CDH13: variants seen among roughly 807,000 people sequenced by gnomAD.
The protein encoded by CDH13 is cadherin 13.
Under a neutral mutation model 63.8 loss-of-function variants are expected in CDH13, and 24 were observed. The observed-to-expected ratio is 0.38, with a 90% CI of 0.27 to 0.53. CDH13 has a LOEUF of 0.53. Ranked by LOEUF, CDH13 falls within the 20% of genes least tolerant of loss-of-function variation. The pLI is 0.85. For missense variants in CDH13, 1,049 were observed against 903.1 expected (o/e 1.16, Z -2.07); for synonymous variants, 503 against 355.3 (o/e 1.42, Z -4.67).
At chr16:82,711,442 G>A (rs773173265) in intron 1 of CDH13, among the ~76,000 whole-genome samples, 1 of 152,128 alleles carries the variant, frequency 6.6e-6, no homozygotes, top group African/African-American at 2.4e-5. Flanking sequence ...TAAACAGCTT[G>A]GACTCTGGCC....
At chr16:83,561,365 G>A (rs1016285651) in intron 7 of CDH13, among the ~76,000 whole-genome samples, 13 of 147,202 alleles carry the variant, frequency 8.8e-5, no homozygotes, top group Non-Finnish European at 1.6e-4. Context: ...GGCGGAGGTT[G>A]TGGTGAGCTG....
At chr16:83,269,792 C>A (rs1210856076) in intron 5 of CDH13, among the ~76,000 whole-genome samples, 1 of 152,164 alleles carries the variant, frequency 6.6e-6, no homozygotes, top group Admixed American at 6.5e-5. Context: ...ATGGACAGCT[C>A]ACTATCAAGA....
At chr16:83,212,459 A>C (rs903455922) in intron 4 of CDH13, among the ~76,000 whole-genome samples, 19 of 152,154 alleles carry the variant, frequency 1.2e-4, no homozygotes, top group African/African-American at 4.3e-4. Flanking sequence ...AGCTTCCTCC[A>C]AGCCATGGGG....
At chr16:82,816,012 G>A (rs1263738932) in intron 1 of CDH13, among the ~76,000 whole-genome samples, 1 of 152,156 alleles carries the variant, frequency 6.6e-6, no homozygotes, top group Non-Finnish European at 1.5e-5. Flanking sequence ...ACAGTAGGTA[G>A]ACTGCTGGGA....
intron 1 of CDH13, among the ~76,000 whole-genome samples, chr16:82,715,989 T>C (rs967884957): frequency 1.8e-4 from 27 of 152,196 alleles, no homozygotes; most frequent in African/African-American, 6.5e-4. Flanking sequence ...TGTTGAAAAC[T>C]CAGGAGTCAG....
intron 7 of CDH13, among the ~76,000 whole-genome samples, chr16:83,512,853 G>C (rs1567726626): frequency 6.6e-6 from 1 of 151,918 alleles, no homozygotes; most frequent in South Asian, 2.1e-4. Flanking sequence ...TCTTGATTTG[G>C]AACCCTGGGA....
chr16:83,219,787 G>C (rs561195849), intron 5 of CDH13, among the ~76,000 whole-genome samples: 1 of 152,318 alleles, frequency 6.6e-6, no homozygotes, highest in Admixed American at 6.5e-5. Context: ...TAGGGTAAGG[G>C]ACACGCTTCA....
chr16:83,581,636 G>A (rs994994791), intron 7 of CDH13, among the ~76,000 whole-genome samples: 2 of 152,108 alleles, frequency 1.3e-5, no homozygotes, highest in African/African-American at 4.8e-5. Context: ...TAGTCAACGT[G>A]GTGAAATCCC....
chr16:83,273,285 A>C (rs1046251018), intron 5 of CDH13, among the ~76,000 whole-genome samples: 24 of 152,260 alleles, frequency 1.6e-4, no homozygotes, highest in African/African-American at 5.5e-4. Flanking sequence ...TCATCCACGT[A>C]CTAAGCATAA....
chr16:83,053,071 G>A (rs775290898), intron 3 of CDH13, among the ~76,000 whole-genome samples: 18 of 152,076 alleles, frequency 1.2e-4, no homozygotes, highest in Non-Finnish European at 2.2e-4. Flanking sequence ...AAAATAGTAC[G>A]AATTTCCAGG....
intron 1 of CDH13, among the ~76,000 whole-genome samples, chr16:82,638,051 G>A (rs562892430): frequency 6.6e-6 from 1 of 152,212 alleles, no homozygotes; most frequent in Non-Finnish European, 1.5e-5. Flanking sequence ...ATCCATTGAA[G>A]GGAGAAGAGG....
intron 6 of CDH13, among the ~76,000 whole-genome samples, chr16:83,456,861 C>G (rs1250505724): frequency 6.6e-6 from 1 of 152,180 alleles, no homozygotes; most frequent in African/African-American, 2.4e-5. Flanking sequence ...ACTCAGGAGG[C>G]TGAGGCAGGA....
chr16:83,051,774 A>G (rs997541504), intron 3 of CDH13, among the ~76,000 whole-genome samples: 1 of 152,072 alleles, frequency 6.6e-6, no homozygotes, highest in African/African-American at 2.4e-5. Flanking sequence ...ATTATCCATC[A>G]CATTATTTGT....
At chr16:83,063,635 C>G (rs1027496528) in intron 3 of CDH13, among the ~76,000 whole-genome samples, 4 of 152,180 alleles carry the variant, frequency 2.6e-5, no homozygotes, top group African/African-American at 9.7e-5. Flanking sequence ...TGTTGTTTAT[C>G]TCTACTAGTT....
chr16:83,205,841 G>A (rs2039167314), intron 4 of CDH13, among the ~76,000 whole-genome samples: 1 of 152,058 alleles, frequency 6.6e-6, no homozygotes, highest in South Asian at 2.1e-4. Flanking sequence ...CTGACCTTGT[G>A]ATCCACCCGT....
chr16:83,553,920 A>G (rs2075556405), intron 7 of CDH13, among the ~76,000 whole-genome samples: 1 of 152,212 alleles, frequency 6.6e-6, no homozygotes, highest in Non-Finnish European at 1.5e-5. Context: ...TGTTTACTTA[A>G]CCACCAATTT....
At chr16:82,792,157 T>C (rs1387751163) in intron 1 of CDH13, among the ~76,000 whole-genome samples, 1 of 152,196 alleles carries the variant, frequency 6.6e-6, no homozygotes, top group African/African-American at 2.4e-5. Context: ...CCCCGGTTCC[T>C]TGACTTCATA....
chr16:83,357,939 G>C (rs1010176689), intron 6 of CDH13, among the ~76,000 whole-genome samples: 61 of 152,178 alleles, frequency 4.0e-4, no homozygotes, highest in Non-Finnish European at 7.6e-4. Flanking sequence ...CAGGCCCTCT[G>C]CTGAGGGCTT....
rs542427244 is a variant in CDH13 at position 83,133,599 on chromosome 16, A to G, written c.483+8098A>G. Among the ~76,000 whole-genome samples, 25 of 152,240 alleles carry G rather than the reference A, an allele frequency of 1.6e-4. No homozygotes were observed. In the South Asian group the frequency reaches 4.8e-3, roughly 29 times the overall value. On this transcript the variant is annotated intron_variant, in intron 4 of 13. Transcript: ENST00000567109. Reference sequence around the variant, plus strand: ...CTGCAACCTCTGCCTCCGGGGTTCAAGAGATTCTCATGCCTCAGCCTCCCT... The same window carrying G: ...CTGCAACCTCTGCCTCCGGGGTTCAGGAGATTCTCATGCCTCAGCCTCCCT...
Sources: allele counts gnomAD v4.1 joint callset (sites outside exome capture counted in the v4.1 genomes callset), GRCh38; gene constraint gnomAD v4.1.1; transcripts MANE v1.5; gene names NCBI Gene and HGNC (gene_info 2026-07-23, HGNC 2026-07-21).